The following FADS6 variants were observed in gnomAD, a reference collection of about 807,000 sequenced individuals.
FADS6 encodes the protein fatty acid desaturase domain family, member 6.
A neutral mutation model predicts 31.7 loss-of-function variants in FADS6; 28 were observed. The ratio of observed to expected loss-of-function variants is 0.88; its 90% CI spans 0.66 to 1.21. FADS6 has a LOEUF of 1.21. Among genes scored for constraint, FADS6 ranks in the 50% most tolerant of loss-of-function variants. The pLI is 0.00. For missense variants in FADS6, 494 were observed against 504.2 expected, an observed-to-expected ratio of 0.98 and a Z score of 0.19; for synonymous variants, 191 against 213.1, an observed-to-expected ratio of 0.90 and a Z score of 0.90.
intron 2 of FADS6, among the ~76,000 whole-genome samples, chr17:74,884,079 G>A (rs2038600216): frequency 6.6e-6 from 1 of 152,190 alleles, no homozygotes; most frequent in South Asian, 2.1e-4. Flanking sequence ...CCTGGGAAAA[G>A]GAAGAGAATG....
chr17:74,882,991 T>C (rs1399359953), intron 2 of FADS6: 5 of 649,948 alleles, frequency 7.7e-6, no homozygotes, highest in Non-Finnish European at 1.2e-5. Flanking sequence ...TGCCAGTGAC[T>C]GCCCAGGCAA....
intron 2 of FADS6, among the ~76,000 whole-genome samples, chr17:74,888,773 C>G (rs9903157): frequency 0.028 from 4,305 of 152,290 alleles, 170 homozygotes; most frequent in African/African-American, 0.098. Flanking sequence ...GAGTGACATG[C>G]AGGAGAGTCC....
chr17:74,886,827 T>C (rs1411930478), intron 2 of FADS6, among the ~76,000 whole-genome samples: 2 of 152,102 alleles, frequency 1.3e-5, no homozygotes, highest in Non-Finnish European at 1.5e-5. Flanking sequence ...CCTTTGTCCA[T>C]ACATTTGTTC....
intron 5 of FADS6, 123 bp downstream of exon 5, chr17:74,879,280 GC>G (rs1307861103): frequency 8.3e-7 from 1 of 1,206,828 alleles, no homozygotes; most frequent in Non-Finnish European, 1.1e-6. Flanking sequence ...CAAGCAATCT[GC>G]CCACCTCAGC....
In FADS6 at chr17:74,888,239, G is replaced by A. The variant is rs142550122; in HGVS notation, c.411+4284C>T. Reference sequence around the variant, plus strand: ...ACACTTAGATAAATGTAACTATTGCGTGAAATTGGATGAAGGCTACACCAG... The same window carrying A: ...ACACTTAGATAAATGTAACTATTGCATGAAATTGGATGAAGGCTACACCAG... On this transcript the variant is annotated intron_variant, in intron 2 of 5. Coordinates refer to ENST00000612771, the MANE Select transcript of FADS6 (RefSeq NM_178128.6). Among the ~76,000 whole-genome samples, 19 of 151,822 alleles carry A rather than the reference G, an allele frequency of 1.3e-4. No homozygotes were observed. In the East Asian group the frequency reaches 3.1e-3, roughly 25 times the overall value.
chr17:74,891,257 C>G (rs1019069933), intron 2 of FADS6, among the ~76,000 whole-genome samples: 1 of 151,856 alleles, frequency 6.6e-6, no homozygotes, highest in Non-Finnish European at 1.5e-5. Context: ...ATGCTGGTCT[C>G]AAACTCCTGA....
At chr17:74,882,906 A>T in intron 2 of FADS6, 196 bp from the exon 3 acceptor site, 9 of 1,416,812 alleles carry the variant, frequency 6.4e-6, no homozygotes, top group Non-Finnish European at 8.4e-6. Flanking sequence ...GCAGCCAGTC[A>T]ATACAATCGT....
Position 74,878,157 on chromosome 17 carries a change from A to G in FADS6, c.*174T>C, listed in dbSNP as rs111985732. 56 of 1,422,722 alleles carry G rather than the reference A, an allele frequency of 3.9e-5. No homozygotes were observed. The highest frequency in any genetic ancestry group is 4.8e-5 in the Non-Finnish European group (53 of 1,093,606). 88.1% of individuals were successfully genotyped at this position (1,422,722 alleles called of 1,614,324 possible). A position where few individuals can be genotyped will look rare whatever the true frequency, so the allele number is the denominator to read the frequency against. On this transcript the variant is annotated 3_prime_UTR_variant, in exon 6 of 6. Transcript: ENST00000612771. ...CCCCTCAAAACCCAGAAAAGCACGC[A>G]AGGCAGGTGGCCCCCAGACCCCAGG...
chr17:74,886,789 C>G (rs1223676558), intron 2 of FADS6, among the ~76,000 whole-genome samples: 4 of 152,108 alleles, frequency 2.6e-5, no homozygotes, highest in Non-Finnish European at 1.5e-5. Context: ...TCCTGAGGGT[C>G]CCTCATGCAC....
chr17:74,885,410 C>A (rs1300089860), intron 2 of FADS6, among the ~76,000 whole-genome samples: 1 of 152,108 alleles, frequency 6.6e-6, no homozygotes, highest in Non-Finnish European at 1.5e-5. Flanking sequence ...AGAAAACCTA[C>A]TACTGAGGTC....
At chr17:74,882,095 C>T (rs1049177598) in intron 3 of FADS6, among the ~76,000 whole-genome samples, 7 of 152,064 alleles carry the variant, frequency 4.6e-5, no homozygotes, top group Non-Finnish European at 7.4e-5. Context: ...ACCACCACGC[C>T]CAGCTAATTT....
At chr17:74,892,092 C>A (rs150481364) in intron 2 of FADS6, among the ~76,000 whole-genome samples, 126 of 152,274 alleles carry the variant, frequency 8.3e-4, no homozygotes, top group African/African-American at 3.0e-3. Context: ...CTGGAGCTGA[C>A]CCCGGGGAGC....
intron 4 of FADS6, among the ~76,000 whole-genome samples, chr17:74,880,424 G>A (rs1439943275): frequency 3.3e-5 from 5 of 151,884 alleles, no homozygotes; most frequent in African/African-American, 4.8e-5. Flanking sequence ...GCGCAATCTC[G>A]GCTCACTGCA....
In FADS6 at chr17:74,881,108, G is replaced by C. The variant is rs867515649; in HGVS notation, c.740C>G (p.Ser247Cys). Reference protein sequence around the residue: ...SALGCMFLTRSLLAHPYLHVN... With the variant: ...SALGCMFLTRCLLAHPYLHVN... ...GTGGAGGTAGGGGTGGGCCAACAGG[G>C]ATCTGGTGAGGAACATGCAGCCCAG... The change falls in exon 4 of 6, where the codon TCC becomes TGC. Residue 247 changes from serine (S) to cysteine (C), a missense_variant. By Grantham distance (112) the Ser-to-Cys change is moderately radical (BLOSUM62 -1). Transcript: ENST00000612771. The C allele has an allele frequency of 8.1e-6, 13 of 1,613,654 alleles. No individual in the cohort carries two copies. The East Asian group carries it at 2.7e-4, about 33-fold the overall frequency.
chr17:74,888,134 ACACACACACACACACACACACG>A (rs2038643642), intron 2 of FADS6, among the ~76,000 whole-genome samples: 1 of 78,934 alleles, frequency 1.3e-5, no homozygotes, highest in Non-Finnish European at 2.4e-5. Flanking sequence ...CACCACACAC[ACACACACACACACACACACACG>A]CGCGCGCGCG....
At chr17:74,889,917 C>A (rs2038670449) in intron 2 of FADS6, among the ~76,000 whole-genome samples, 1 of 146,956 alleles carries the variant, frequency 6.8e-6, no homozygotes, top group African/African-American at 2.5e-5. Context: ...CAACTGCTAA[C>A]CCTTTCCTTG....
intron 3 of FADS6, 44 bp from the exon 4 acceptor site, chr17:74,881,299 A>G: frequency 1.3e-6 from 2 of 1,524,922 alleles, no homozygotes; most frequent in Non-Finnish European, 1.8e-6. Context: ...ATCCATCAGG[A>G]GGGGCTCCCT....
chr17:74,876,519 G>A (rs979712479), downstream of FADS6, among the ~76,000 whole-genome samples: 2 of 152,104 alleles, frequency 1.3e-5, no homozygotes, highest in East Asian at 3.9e-4. Flanking sequence ...AGTAGTGACT[G>A]GGCATGGTGG....
chr17:74,888,936 C>T (rs2038660223), intron 2 of FADS6, among the ~76,000 whole-genome samples: 1 of 152,160 alleles, frequency 6.6e-6, no homozygotes, highest in Non-Finnish European at 1.5e-5. Flanking sequence ...CCCATGGTGA[C>T]CCAGGACAGG....
Sources: gnomAD v4.1 joint callset for allele counts (sites outside exome capture counted in the v4.1 genomes callset) on GRCh38, gnomAD v4.1.1 for gene constraint, MANE v1.5 for transcripts, NCBI Gene and HGNC (gene_info 2026-07-23, HGNC 2026-07-21) for gene names.